VWA8: variants seen among roughly 807,000 people sequenced by gnomAD.
The protein encoded by VWA8 is von Willebrand factor A domain containing 8.
VWA8 carries 221 observed loss-of-function variants against 241.5 expected under a neutral mutation model. The ratio of observed to expected loss-of-function variants is 0.91; its 90% confidence interval spans 0.82 to 1.02. The LOEUF is 1.02. VWA8 is among the 50% of genes least tolerant of loss of function. VWA8 has a pLI of 0.00. For missense variants in VWA8, 2,322 were observed against 2,328.7 expected, an observed-to-expected ratio of 1.00 and a Z score of 0.06; for synonymous variants, 852 against 827.1, an observed-to-expected ratio of 1.03 and a Z score of -0.52.
chr13:41,655,489 CAG>C (rs34381157), intron 37 of VWA8, among the ~76,000 whole-genome samples: 81,223 of 147,994 alleles, frequency 0.55, 23,648 homozygotes, highest in South Asian at 0.71. Context: ...TACAGAGAGA[CAG>C]AGAGAGAGAG....
At position 41,611,652 on chromosome 13, in the gene VWA8, G is replaced by C. The variant is rs2044589144; in HGVS notation, c.4801C>G (p.Gln1601Glu). Residue 1601 changes from glutamine (Q) to glutamate (E), a missense_variant, in exon 39 of 45, where the codon CAG (glutamine) becomes GAG (glutamate). Gln to Glu is a conservative substitution (Grantham distance 29). Transcript: ENST00000379310. ...DAGHTVYQVS[Q>E]AEKDAVPEEV... ...TCGGGAACTGCATCTTTCTCAGCCT[G>C]AGAGACCTGGTACACCGTATGGCCT... The C allele has an allele frequency of 6.2e-7, 1 of 1,614,124 alleles. No homozygotes were observed. The highest frequency in any genetic ancestry group is 2.2e-5 in the East Asian group (1 of 44,890).
chr13:41,800,650 G>A (rs945285432), intron 17 of VWA8, among the ~76,000 whole-genome samples: 5 of 151,644 alleles, frequency 3.3e-5, no homozygotes, highest in East Asian at 1.9e-4. Flanking sequence ...AAAATCAGCC[G>A]GGTGTGGTGA....
chr13:41,945,796 A>T (rs73185348), intron 2 of VWA8, among the ~76,000 whole-genome samples: 10,119 of 152,182 alleles, frequency 0.066, 453 homozygotes, highest in Non-Finnish European at 0.098. Flanking sequence ...AAATCTATCA[A>T]ATATAATGGG....
chr13:41,933,732 T>C (rs1400495598), intron 2 of VWA8, among the ~76,000 whole-genome samples: 1 of 151,918 alleles, frequency 6.6e-6, no homozygotes, highest in Non-Finnish European at 1.5e-5. Flanking sequence ...TGTCAGGAAA[T>C]GGAGCTGAAA....
intron 34 of VWA8, 77 bp downstream of exon 34, chr13:41,689,277 T>C: frequency 7.0e-7 from 1 of 1,431,540 alleles, no homozygotes; most frequent in South Asian, 1.6e-5. Flanking sequence ...TAATTACCCC[T>C]CAAACAGGCT....
At chr13:41,642,549 A>T (rs539685173) in intron 37 of VWA8, among the ~76,000 whole-genome samples, 2 of 147,582 alleles carry the variant, frequency 1.4e-5, no homozygotes, top group African/African-American at 5.0e-5. Context: ...ACAGTGCGGG[A>T]TTCCGTCTCA....
intron 17 of VWA8, among the ~76,000 whole-genome samples, chr13:41,806,320 T>C (rs1172109226): frequency 6.6e-6 from 1 of 152,154 alleles, no homozygotes; most frequent in Non-Finnish European, 1.5e-5. Flanking sequence ...CTTGGAAAAC[T>C]AGAAATGCAG....
intron 41 of VWA8, among the ~76,000 whole-genome samples, chr13:41,588,722 GAA>G (rs35503733): frequency 5.2e-5 from 5 of 96,742 alleles, no homozygotes; most frequent in African/African-American, 7.3e-5. Context: ...CCTGTCTCTA[GAA>G]AAAAAAAAAA....
chr13:41,773,801 A>T (rs1292569896), intron 20 of VWA8, among the ~76,000 whole-genome samples: 1 of 152,234 alleles, frequency 6.6e-6, no homozygotes, highest in Non-Finnish European at 1.5e-5. Context: ...GTATGATTTA[A>T]TTAGCTAAAT....
At chr13:41,691,479 T>C (rs778572714) in intron 31 of VWA8, 34 bp from the exon 32 acceptor site, 40 of 1,608,100 alleles carry the variant, frequency 2.5e-5, no homozygotes, top group Admixed American at 6.7e-5. Flanking sequence ...TGAAAGGAAA[T>C]GGTGAGGATA....
chr13:41,875,391 G>A (rs1459059499), intron 9 of VWA8, among the ~76,000 whole-genome samples: 2 of 151,996 alleles, frequency 1.3e-5, no homozygotes, highest in African/African-American at 4.8e-5. Flanking sequence ...CTATAAAAAT[G>A]TTTGTCTCCC....
intron 26 of VWA8, among the ~76,000 whole-genome samples, chr13:41,713,465 T>G (rs1275375540): frequency 6.6e-6 from 1 of 152,180 alleles, no homozygotes; most frequent in Non-Finnish European, 1.5e-5. Context: ...CAAAGTTACC[T>G]TATTTTGCCT....
At chr13:41,641,671 C>T (rs2044795972) in intron 37 of VWA8, among the ~76,000 whole-genome samples, 1 of 152,068 alleles carries the variant, frequency 6.6e-6, no homozygotes, top group Admixed American at 6.5e-5. Context: ...TATTAAGAGA[C>T]ACCATGGGAA....
intron 43 of VWA8, among the ~76,000 whole-genome samples, chr13:41,573,486 A>ATAAATAAATAAATAT (rs1555303592): frequency 8.8e-6 from 1 of 113,614 alleles, no homozygotes; most frequent in African/African-American, 3.4e-5. Context: ...AAAAAAAAAA[A>ATAAATAAATAAATAT]ATATATATAT....
At chr13:41,745,963 T>C (rs1385413694) in intron 21 of VWA8, among the ~76,000 whole-genome samples, 4 of 151,380 alleles carry the variant, frequency 2.6e-5, no homozygotes, top group Non-Finnish European at 5.9e-5. Context: ...GCTTTACAAG[T>C]GAAAAAAAAA....
intron 43 of VWA8, among the ~76,000 whole-genome samples, chr13:41,573,610 C>CACATATATATATATATATATATATATAT (rs1555303639): frequency 1.4e-5 from 2 of 140,186 alleles, no homozygotes; most frequent in Admixed American, 7.1e-5. Flanking sequence ...TATATATACG[C>CACATATATATATATATATATATATATAT]ATATATATGG....
chr13:41,767,966 T>C (rs564665293), intron 20 of VWA8, among the ~76,000 whole-genome samples: 1 of 152,214 alleles, frequency 6.6e-6, no homozygotes, highest in Non-Finnish European at 1.5e-5. Context: ...AAACAATGGA[T>C]AGACAAACTA....
At chr13:41,807,005 G>C (rs1367589901) in intron 17 of VWA8, among the ~76,000 whole-genome samples, 1 of 151,920 alleles carries the variant, frequency 6.6e-6, no homozygotes, top group Non-Finnish European at 1.5e-5. Context: ...TGAAAAAGGA[G>C]ACGTTAGAAC....
intron 24 of VWA8, among the ~76,000 whole-genome samples, chr13:41,721,984 A>C (rs559406179): frequency 1.8e-4 from 28 of 152,156 alleles, no homozygotes; most frequent in African/African-American, 6.5e-4. Flanking sequence ...ATGCAAACAG[A>C]GTTTAGATAA....
Sources: gnomAD v4.1 joint callset for allele counts (sites outside exome capture counted in the v4.1 genomes callset) on GRCh38, gnomAD v4.1.1 for gene constraint, MANE v1.5 for transcripts, NCBI Gene and HGNC (gene_info 2026-07-23, HGNC 2026-07-21) for gene names.